The following MME variants were observed in gnomAD, a reference collection of about 807,000 sequenced individuals.
The protein encoded by MME is neprilysin.
In MME, 98 loss-of-function variants were observed where a neutral mutation model predicts 113.2. The ratio of observed to expected loss-of-function variants is 0.87; its 90% CI spans 0.74 to 1.02. MME has a LOEUF of 1.02. Ranked by LOEUF, MME falls within the 50% of genes least tolerant of loss-of-function variation. The pLI is 0.00. For missense variants in MME, 836 were observed against 896.0 expected (o/e 0.93, Z 0.86); for synonymous variants, 292 against 300.6 (o/e 0.97, Z 0.30).
In MME at chr3:155,180,660, C is replaced by G. The variant is rs1361025067; in HGVS notation, c.*201C>G. On this transcript the variant is annotated 3_prime_UTR_variant, in exon 23 of 23. Coordinates refer to ENST00000360490, the MANE Select transcript of MME (RefSeq NM_007289.4). ...GGGAGGAAGGGGGTCTAAGGTCTAT[C>G]AAGTCAATCATTTCTCACTGTGTAC... is the stretch of plus-strand genomic sequence containing the variant. 1.7e-6 allele frequency: 1 copy of G among 582,776 alleles called. No homozygotes were observed. The highest frequency in any genetic ancestry group is 1.9e-5 in the African/African-American group (1 of 53,000). 36.1% of individuals were successfully genotyped at this position (582,776 alleles called of 1,614,324 possible). A position where few individuals can be genotyped will look rare whatever the true frequency, so the allele number is the denominator to read the frequency against.
At chr3:155,113,382 C>T (rs1043612226) in intron 3 of MME, among the ~76,000 whole-genome samples, 1 of 152,144 alleles carries the variant, frequency 6.6e-6, no homozygotes, top group African/African-American at 2.4e-5. Flanking sequence ...CGAGTTCAAG[C>T]TATTCTCCTG....
chr3:155,168,875 G>A (rs1711603975), intron 20 of MME, 78 bp downstream of exon 20: 9 of 1,297,634 alleles, frequency 6.9e-6, no homozygotes, highest in Non-Finnish European at 9.8e-6. Flanking sequence ...AAAACCTTTT[G>A]CAAAAAAAGA....
At chr3:155,124,693 G>C (rs1210052118) in intron 8 of MME, among the ~76,000 whole-genome samples, 2 of 151,528 alleles carry the variant, frequency 1.3e-5, no homozygotes, top group African/African-American at 4.8e-5. Context: ...AGGTGTCAGT[G>C]TGCCCCTGCT....
At position 155,118,882 on chromosome 3, in the gene MME, G is replaced by C; in HGVS notation, c.720+71G>C. 6 of 1,020,244 alleles carry C rather than the reference G, an allele frequency of 5.9e-6. No homozygotes were observed. The South Asian group carries it at 7.1e-5, about 12-fold the overall frequency. 63.2% of individuals were successfully genotyped at this position (1,020,244 alleles called of 1,614,324 possible). A position where few individuals can be genotyped will look rare whatever the true frequency, so the allele number is the denominator to read the frequency against. ...GTGTAAACCTACAAGTAATGAAAAA[G>C]ATAAAGCCAAATTAAATTTAGCCCT... is the stretch of plus-strand genomic sequence containing the variant. On this transcript the variant is annotated intron_variant, in intron 8 of 22. Coordinates refer to ENST00000360490, the MANE Select transcript of MME (RefSeq NM_007289.4).
intron 1 of MME, among the ~76,000 whole-genome samples, chr3:155,063,219 C>A (rs1714222927): frequency 9.2e-6 from 1 of 109,034 alleles, no homozygotes; most frequent in African/African-American, 3.5e-5. Context: ...TAATAATATA[C>A]ATATGTATAT....
At chr3:155,042,571 GA>G (rs1713365084) in intron 1 of MME, among the ~76,000 whole-genome samples, 2 of 151,882 alleles carry the variant, frequency 1.3e-5, no homozygotes, top group African/African-American at 4.8e-5. Context: ...TTTTCAATTT[GA>G]ATAACTTGCT....
chr3:155,164,422 T>C (rs541549892), intron 17 of MME, among the ~76,000 whole-genome samples: 1 of 152,288 alleles, frequency 6.6e-6, no homozygotes, highest in East Asian at 1.9e-4. Flanking sequence ...TTGTGATGCC[T>C]ACTAGGTAAC....
At chr3:155,088,795 AC>A (rs1716021396) in intron 3 of MME, among the ~76,000 whole-genome samples, 1 of 152,158 alleles carries the variant, frequency 6.6e-6, no homozygotes, top group Non-Finnish European at 1.5e-5. Flanking sequence ...GTGGGTTCAA[AC>A]CTGAGCTCAG....
At chr3:155,033,941 G>T (rs1194872139) in intron 1 of MME, among the ~76,000 whole-genome samples, 1 of 152,144 alleles carries the variant, frequency 6.6e-6, no homozygotes, top group African/African-American at 2.4e-5. Context: ...TACACTGGGA[G>T]ACATTCCTTA....
intron 16 of MME, among the ~76,000 whole-genome samples, chr3:155,149,687 C>T (rs1401933266): frequency 1.3e-5 from 2 of 151,234 alleles, no homozygotes; most frequent in South Asian, 2.1e-4. Flanking sequence ...GTACAAAGTG[C>T]TGTGGGCTTA....
chr3:155,026,879 T>A (rs1000975990), intron 1 of MME, among the ~76,000 whole-genome samples: 1 of 152,172 alleles, frequency 6.6e-6, no homozygotes, highest in African/African-American at 2.4e-5. Context: ...TTTCCTAACC[T>A]CTTTTTCCTT....
intron 1 of MME, among the ~76,000 whole-genome samples, chr3:155,041,454 G>C (rs968698797): frequency 6.6e-6 from 1 of 152,104 alleles, no homozygotes; most frequent in Non-Finnish European, 1.5e-5. Context: ...ACAAAGAAAA[G>C]AAAGCTATGT....
intron 1 of MME, among the ~76,000 whole-genome samples, chr3:155,061,377 G>GA (rs1318344475): frequency 6.6e-6 from 1 of 151,086 alleles, no homozygotes; most frequent in African/African-American, 2.4e-5. Context: ...CGTGAACCAG[G>GA]GAGGCGGAGC....
At chr3:155,092,539 G>A (rs1236365902) in intron 3 of MME, among the ~76,000 whole-genome samples, 1 of 152,114 alleles carries the variant, frequency 6.6e-6, no homozygotes, top group East Asian at 1.9e-4. Context: ...TCCTCACAAG[G>A]ACTTCATTAC....
chr3:155,084,353 C>A, intron 2 of MME, 26 bp downstream of exon 2: 1 of 1,612,016 alleles, frequency 6.2e-7, no homozygotes, highest in Non-Finnish European at 8.5e-7. Flanking sequence ...ACCTGTGCAT[C>A]CATAAGTGCA....
At chr3:155,134,610 T>G (rs900579506) in intron 8 of MME, among the ~76,000 whole-genome samples, 1 of 152,186 alleles carries the variant, frequency 6.6e-6, no homozygotes, top group Non-Finnish European at 1.5e-5. Flanking sequence ...AATGAGTGCA[T>G]AAGTCTTTGG....
At chr3:155,082,870 A>G (rs1465524631) in intron 1 of MME, among the ~76,000 whole-genome samples, 3 of 152,174 alleles carry the variant, frequency 2.0e-5, no homozygotes, top group Non-Finnish European at 4.4e-5. Flanking sequence ...CTCAGTTTCC[A>G]CAAAACACAC....
chr3:155,144,599 AGT>A, intron 14 of MME, 142 bp downstream of exon 14: 2 of 642,166 alleles, frequency 3.1e-6, no homozygotes, highest in Non-Finnish European at 2.8e-6. Context: ...TTCCAGAAAG[AGT>A]TTTTGTGGAT....
At chr3:155,152,352 C>T (rs1721995378) in intron 16 of MME, among the ~76,000 whole-genome samples, 1 of 152,132 alleles carries the variant, frequency 6.6e-6, no homozygotes, top group African/African-American at 2.4e-5. Flanking sequence ...ACATTTTGGT[C>T]AAAGTACCAG....
Sources: allele counts gnomAD v4.1 joint callset (sites outside exome capture counted in the v4.1 genomes callset), GRCh38; gene constraint gnomAD v4.1.1; transcripts MANE v1.5; gene names NCBI Gene and HGNC (gene_info 2026-07-23, HGNC 2026-07-21).